The following MCF2L variants were observed in gnomAD, a reference collection of about 807,000 sequenced individuals.
MCF2L encodes the protein guanine nucleotide exchange factor DBS.
In MCF2L, 97 loss-of-function variants were observed where a neutral mutation model predicts 153.4. That is an observed-to-expected ratio of 0.63 (90% CI 0.54 to 0.75). The LOEUF is 0.75. Among genes scored for constraint, MCF2L ranks in the 30% least tolerant of loss-of-function variants. The pLI is 0.00. For missense variants in MCF2L, 1,347 were observed against 1,495.2 expected (o/e 0.90, Z 1.64); for synonymous variants, 659 against 632.2 (o/e 1.04, Z -0.64).
chr13:112,962,220 CACACTT>C (rs1442681731), intron 2 of MCF2L, among the ~76,000 whole-genome samples: 27 of 87,040 alleles, frequency 3.1e-4, no homozygotes, highest in African/African-American at 7.0e-4. Context: ...TGCACACAGT[CACACTT>C]ACACATGCAC....
intron 1 of MCF2L, among the ~76,000 whole-genome samples, chr13:112,980,798 T>C (rs762850526): frequency 6.6e-5 from 10 of 152,180 alleles, no homozygotes; most frequent in Non-Finnish European, 1.3e-4. Flanking sequence ...CCGAGTCCAC[T>C]GACATCCACC....
chr13:113,055,205 A>T (rs1443541883), intron 4 of MCF2L, among the ~76,000 whole-genome samples: 1 of 152,140 alleles, frequency 6.6e-6, no homozygotes, highest in Non-Finnish European at 1.5e-5. Flanking sequence ...TATTCTATTT[A>T]ATATAATGAT....
Position 113,034,640 on chromosome 13 carries a change from C to T in MCF2L, c.278+9882C>T, listed in dbSNP as rs530306222. 1.1e-4 allele frequency among the ~76,000 whole-genome samples: 17 copies of T among 151,848 alleles called. 1 individual carries two copies. In the Middle Eastern group the frequency reaches 0.01, roughly 91 times the overall value. ...CTCACCCTCGCCCTGGTCTCACCCACGCCCTCGCCCTTGCCCTGGTCTCAC... is the reference window on the plus strand; with the variant it reads ...CTCACCCTCGCCCTGGTCTCACCCATGCCCTCGCCCTTGCCCTGGTCTCAC... On this transcript the variant is annotated intron_variant, in intron 3 of 29. Transcript: ENST00000535094.
At position 112,991,371 on chromosome 13, in the gene MCF2L, C is replaced by T. The variant is rs1485006809; in HGVS notation, c.79+21913C>T. Among the ~76,000 whole-genome samples the T allele has an allele frequency of 4.8e-5, 7 of 146,614 alleles. No individual in the cohort carries two copies. The South Asian group carries it at 8.9e-4, about 19-fold the overall frequency. On this transcript the variant is annotated intron_variant, in intron 1 of 29. Coordinates refer to ENST00000535094, the MANE Select transcript of MCF2L (RefSeq NM_001112732.3). ...ACCTGATTCGCTGTGTTTTGGGGGG[C>T]ATCTCCCAGGACCTGATTCGCTGTG...
chr13:113,088,921 C>T (rs948971696), intron 25 of MCF2L, among the ~76,000 whole-genome samples: 1 of 152,238 alleles, frequency 6.6e-6, no homozygotes, highest in Non-Finnish European at 1.5e-5. Context: ...ACTCCTCAGA[C>T]AGTCGGGGCT....
At chr13:113,060,772 C>T (rs961729022) in intron 5 of MCF2L, 60 bp downstream of exon 5, 23 of 1,585,244 alleles carry the variant, frequency 1.5e-5, no homozygotes, top group Non-Finnish European at 1.8e-5. Context: ...CGTCCTGGCC[C>T]ATCTGTGATC....
intron 2 of MCF2L, chr13:112,902,465 T>C (rs527989717): frequency 1.5e-6 from 2 of 1,300,900 alleles, no homozygotes; most frequent in South Asian, 1.7e-5. Flanking sequence ...CTTTTAGAGA[T>C]TGACAAGGTT....
Position 113,094,503 on chromosome 13 carries a change from G to C in MCF2L, c.2954-11G>C, listed in dbSNP as rs2035484411. The C allele has an allele frequency of 6.2e-7, 1 of 1,605,178 alleles. No homozygotes were observed. The highest frequency in any genetic ancestry group is 8.5e-7 in the Non-Finnish European group (1 of 1,176,962). On this transcript the variant is annotated splice_polypyrimidine_tract_variant and intron_variant, in intron 26 of 29. Transcript: ENST00000535094. ...ACCGGGGGGTCCCTCACGGGTGTCT[G>C]TCTCTCTTAGGTTGGAGCAAAACGT...
chr13:113,039,094 C>T (rs1295625308), intron 3 of MCF2L, among the ~76,000 whole-genome samples: 1 of 152,154 alleles, frequency 6.6e-6, no homozygotes, highest in Non-Finnish European at 1.5e-5. Flanking sequence ...CTCCTGACCT[C>T]ATGATCCGCC....
chr13:113,008,396 T>TC (rs1457292811), intron 1 of MCF2L, among the ~76,000 whole-genome samples: 1 of 152,152 alleles, frequency 6.6e-6, no homozygotes, highest in African/African-American at 2.4e-5. Context: ...CTCATAGGAG[T>TC]CCCACCTCTG....
Position 112,904,802 on chromosome 13 carries a change from C to T in MCF2L, c.169+2431C>T, listed in dbSNP as rs573496180. Among the ~76,000 whole-genome samples the T allele has an allele frequency of 1.4e-4, 21 of 152,274 alleles. No homozygotes were observed. Among genetic ancestry groups the T allele is most frequent in the Admixed American group, 1.2e-3 (18 of 15,290 alleles). On this transcript the variant is annotated intron_variant, in intron 2 of 29. Coordinates refer to the MCF2L transcript ENST00000375608. The surrounding 1 kb of genome is among the most constrained non-coding windows in gnomAD (Gnocchi z 4.2). The stretch of plus-strand genomic sequence containing the variant: ...GGCCCTGCCTGCACCACACCTGCTC[C>T]GTCTCCAGGTGACCTGGGGCCTTGG...
intron 2 of MCF2L, among the ~76,000 whole-genome samples, chr13:112,952,856 T>G (rs1244692191): frequency 6.6e-6 from 1 of 152,172 alleles, no homozygotes; most frequent in East Asian, 1.9e-4. Flanking sequence ...AGGGTGTCCA[T>G]TGTTCCAGCT....
chr13:112,987,154 A>G (rs1015956042), intron 1 of MCF2L, among the ~76,000 whole-genome samples: 42 of 152,256 alleles, frequency 2.8e-4, no homozygotes, highest in Middle Eastern at 6.8e-3. Flanking sequence ...ACCCGGCTGC[A>G]GGGCCGCAGA....
At chr13:113,056,288 G>C (rs966285553) in intron 4 of MCF2L, among the ~76,000 whole-genome samples, 1 of 151,978 alleles carries the variant, frequency 6.6e-6, no homozygotes, top group Admixed American at 6.6e-5. Flanking sequence ...TGTGTGTTTG[G>C]GTGCTGAGTG....
At chr13:113,011,528 GGA>G (rs2084104471) in intron 1 of MCF2L, among the ~76,000 whole-genome samples, 5 of 149,152 alleles carry the variant, frequency 3.4e-5, no homozygotes, top group African/African-American at 1.2e-4. Flanking sequence ...CAGGCTGGGT[GGA>G]TGGTGGACAC....
At chr13:113,019,533 G>A (rs377174033) in intron 2 of MCF2L, among the ~76,000 whole-genome samples, 1 of 152,226 alleles carries the variant, frequency 6.6e-6, no homozygotes, top group Non-Finnish European at 1.5e-5. Context: ...GGTGTTCTGC[G>A]GAGAATCAAA....
chr13:112,984,290 C>G (rs1047706761), intron 1 of MCF2L, among the ~76,000 whole-genome samples: 2 of 151,528 alleles, frequency 1.3e-5, no homozygotes, highest in African/African-American at 4.9e-5. Flanking sequence ...GGCTGGAGTG[C>G]AATGGTGTGA....
chr13:112,917,504 G>A (rs1458822005), intron 2 of MCF2L: 6 of 303,942 alleles, frequency 2.0e-5, no homozygotes, highest in Non-Finnish European at 3.9e-5. Flanking sequence ...TCGCAGAACA[G>A]CAAGCGGTGA....
rs559469961 is a variant in MCF2L, at chr13:112,994,102, C to G, written c.80-20661C>G. 1.5e-3 allele frequency among the ~76,000 whole-genome samples: 233 copies of G among 152,228 alleles called. 1 individual carries two copies. The highest frequency in any genetic ancestry group is 5.4e-3 in the African/African-American group (226 of 41,550). ...TGCGGGGTGCGGCGCTTGGGACCCC[C>G]CAAGCTGACGTCACTGTCTGTGCCG... On this transcript the variant is annotated intron_variant, in intron 1 of 29. Coordinates refer to ENST00000535094, the MANE Select transcript of MCF2L (RefSeq NM_001112732.3).
Sources: allele counts gnomAD v4.1 joint callset (sites outside exome capture counted in the v4.1 genomes callset), GRCh38; gene constraint gnomAD v4.1.1; non-coding constraint Gnocchi (gnomAD v3.1); transcripts MANE v1.5; gene names NCBI Gene and HGNC (gene_info 2026-07-23, HGNC 2026-07-21).